The following MYL12B variants were observed in gnomAD, a reference collection of about 807,000 sequenced individuals.
MYL12B encodes the protein myosin regulatory light chain 12B.
A neutral mutation model predicts 12.9 loss-of-function variants in MYL12B; 3 were observed. The ratio of observed to expected loss-of-function variants is 0.23; its 90% CI spans 0.11 to 0.60. The LOEUF is 0.60. MYL12B is among the 20% of genes least tolerant of loss of function. The pLI is 0.89. For synonymous variants in MYL12B, 57 were observed against 71.9 expected (o/e 0.79, Z 1.05); for missense variants, 120 against 215.4 (o/e 0.56, Z 2.77).
intron 2 of MYL12B, among the ~76,000 whole-genome samples, chr18:3,275,450 G>A (rs2081721746): frequency 6.6e-6 from 1 of 152,146 alleles, no homozygotes; most frequent in Non-Finnish European, 1.5e-5. Context: ...AAATAACTCA[G>A]TATAGTTGGA....
intron 1 of MYL12B, 36 bp from the exon 2 acceptor site, chr18:3,272,843 ATTGTT>A (rs2081692309): frequency 3.4e-6 from 5 of 1,488,618 alleles, no homozygotes; most frequent in East Asian, 2.3e-5. Context: ...TGTTTTATAC[ATTGTT>A]TTGTTTTACG....
chr18:3,276,300 A>G (rs1054673045), intron 2 of MYL12B: 9 of 342,600 alleles, frequency 2.6e-5, no homozygotes, highest in African/African-American at 2.0e-4. Flanking sequence ...ACTGGGATTC[A>G]AACCCAGTAT....
chr18:3,263,896 G>A (rs1365844167), intron 1 of MYL12B, among the ~76,000 whole-genome samples: 1 of 152,176 alleles, frequency 6.6e-6, no homozygotes, highest in Non-Finnish European at 1.5e-5. Context: ...ACTGAGCTCT[G>A]CCATTTTCTA....
At chr18:3,263,392 A>G (rs1451267344) in intron 1 of MYL12B, among the ~76,000 whole-genome samples, 1 of 152,202 alleles carries the variant, frequency 6.6e-6, no homozygotes, top group Non-Finnish European at 1.5e-5. Flanking sequence ...AACTGAGGAA[A>G]GTGAAACCCA....
chr18:3,267,774 C>T (rs1284546971), intron 1 of MYL12B, among the ~76,000 whole-genome samples: 1 of 152,064 alleles, frequency 6.6e-6, no homozygotes, highest in Non-Finnish European at 1.5e-5. Flanking sequence ...TAAGAAAAAA[C>T]AGTGTATATA....
intron 1 of MYL12B, chr18:3,263,214 A>G (rs924770766): frequency 2.0e-5 from 3 of 152,230 alleles, no homozygotes; most frequent in Non-Finnish European, 4.4e-5. Context: ...ATAGAGAGTA[A>G]TTTTGGAGTC....
rs566840760 is a variant in MYL12B at position 3,267,114 on chromosome 18, T to C, written c.-16+4877T>C. On this transcript the variant is annotated intron_variant, in intron 1 of 3. Transcript: ENST00000237500. ...TGTGCATTGAAATCACCTGGTGCGTTTTTGAAAATACAGATGCCTGGGCTC... is the reference window on the plus strand; with the variant it reads ...TGTGCATTGAAATCACCTGGTGCGTCTTTGAAAATACAGATGCCTGGGCTC... 9.8e-5 allele frequency among the ~76,000 whole-genome samples: 15 copies of C among 152,360 alleles called. No individual in the cohort carries two copies. The South Asian group carries it at 3.1e-3, about 32-fold the overall frequency.
intron 1 of MYL12B, chr18:3,263,083 C>A (rs1227673971): frequency 6.6e-6 from 1 of 151,934 alleles, no homozygotes; most frequent in East Asian, 1.9e-4. Context: ...CGTGGGGACA[C>A]CGGCGGGTAT....
At position 3,269,958 on chromosome 18, in the gene MYL12B, A is replaced by G. The variant is rs2081664238; in HGVS notation, c.-15-2926A>G. Reference sequence around the variant, plus strand: ...TTTCCACCTGGGAAAGTTCATTTCTACTGTTATGGAGCACCAGGCTAACAG... The same window carrying G: ...TTTCCACCTGGGAAAGTTCATTTCTGCTGTTATGGAGCACCAGGCTAACAG... On this transcript the variant is annotated intron_variant, in intron 1 of 3. Transcript: ENST00000237500. 2.0e-5 allele frequency among the ~76,000 whole-genome samples: 3 copies of G among 152,176 alleles called. No individual in the cohort carries two copies. The South Asian group carries it at 6.2e-4, about 31-fold the overall frequency.
intron 1 of MYL12B, among the ~76,000 whole-genome samples, chr18:3,272,524 C>A (rs1027735584): frequency 1.3e-5 from 2 of 152,168 alleles, no homozygotes; most frequent in African/African-American, 4.8e-5. Flanking sequence ...TCAATAATTT[C>A]TATTGTGTTT....
At chr18:3,267,521 CA>C (rs1331313516) in intron 1 of MYL12B, among the ~76,000 whole-genome samples, 7 of 152,164 alleles carry the variant, frequency 4.6e-5, no homozygotes, top group African/African-American at 1.7e-4. Context: ...ACCTATAATA[CA>C]TAATACAGTA....
intron 1 of MYL12B, among the ~76,000 whole-genome samples, chr18:3,270,931 C>G (rs535110916): frequency 7.9e-5 from 12 of 152,312 alleles, no homozygotes; most frequent in African/African-American, 2.9e-4. Context: ...CTCAGCCTCC[C>G]AAAGTGTTGA....
At chr18:3,272,534 T>G (rs1233987512) in intron 1 of MYL12B, among the ~76,000 whole-genome samples, 1 of 152,250 alleles carries the variant, frequency 6.6e-6, no homozygotes, top group Non-Finnish European at 1.5e-5. Context: ...CTATTGTGTT[T>G]CTTTCTTTTT....
chr18:3,276,744 T>C (rs900406438), intron 2 of MYL12B, among the ~76,000 whole-genome samples: 1 of 152,018 alleles, frequency 6.6e-6, no homozygotes, highest in Non-Finnish European at 1.5e-5. Context: ...GTTATCAACA[T>C]TCAGGATGTA....
At chr18:3,264,943 A>G (rs2081624967) in intron 1 of MYL12B, among the ~76,000 whole-genome samples, 1 of 152,170 alleles carries the variant, frequency 6.6e-6, no homozygotes, top group South Asian at 2.1e-4. Context: ...TGTACATTTG[A>G]CTATATAAAT....
chr18:3,272,764 T>C (rs1341028461), intron 1 of MYL12B, 120 bp from the exon 2 acceptor site: 1 of 912,478 alleles, frequency 1.1e-6, no homozygotes. Context: ...TCCTACCCAA[T>C]TGAAGTAATA....
intron 1 of MYL12B, chr18:3,262,811 C>T (rs1018677387): frequency 1.3e-5 from 2 of 152,302 alleles, no homozygotes; most frequent in Non-Finnish European, 2.9e-5. Flanking sequence ...GTGGTTGATA[C>T]GGGCTCAAAT....
intron 2 of MYL12B, among the ~76,000 whole-genome samples, chr18:3,273,828 A>G (rs1235267703): frequency 7.0e-6 from 1 of 142,858 alleles, no homozygotes; most frequent in Non-Finnish European, 1.5e-5. Context: ...TGACTGGCCA[A>G]AAAGGCAAAG....
At chr18:3,268,890 T>G (rs574834459) in intron 1 of MYL12B, among the ~76,000 whole-genome samples, 23 of 152,344 alleles carry the variant, frequency 1.5e-4, no homozygotes, top group African/African-American at 5.1e-4. Context: ...TTTCATTTAA[T>G]GTACATAATG....
Sources: allele counts gnomAD v4.1 joint callset (sites outside exome capture counted in the v4.1 genomes callset), GRCh38; gene constraint gnomAD v4.1.1; transcripts MANE v1.5; gene names NCBI Gene and HGNC (gene_info 2026-07-23, HGNC 2026-07-21).